Variants in ENPP2 observed in about 807,000 individuals in gnomAD.
The protein encoded by ENPP2 is autotaxin.
In ENPP2, 51 loss-of-function variants were observed where a neutral mutation model predicts 120.2. The ratio of observed to expected loss-of-function variants is 0.42; its 90% CI spans 0.34 to 0.54. The LOEUF is 0.54. Ranked by LOEUF, ENPP2 falls within the 20% of genes least tolerant of loss-of-function variation. The pLI is 0.04. For synonymous variants in ENPP2, 365 were observed against 366.4 expected (o/e 1.00, Z 0.04); for missense variants, 920 against 1,066.5 (o/e 0.86, Z 1.91).
chr8:119,567,365 C>A (rs1814556150), intron 22 of ENPP2, among the ~76,000 whole-genome samples: 1 of 152,118 alleles, frequency 6.6e-6, no homozygotes, highest in Non-Finnish European at 1.5e-5. Flanking sequence ...ATAATTAAGT[C>A]AGAAATCCAT....
chr8:119,623,477 AAGAG>A (rs752875513), intron 3 of ENPP2, among the ~76,000 whole-genome samples: 1 of 152,120 alleles, frequency 6.6e-6, no homozygotes, highest in Non-Finnish European at 1.5e-5. Flanking sequence ...AAGATTAAAA[AAGAG>A]AGAGAGATAT....
At chr8:119,589,798 G>A (rs1478313669) in intron 13 of ENPP2, among the ~76,000 whole-genome samples, 2 of 151,702 alleles carry the variant, frequency 1.3e-5, no homozygotes, top group South Asian at 2.1e-4. Context: ...TTTTCAAAGT[G>A]CGGCATAACC....
chr8:119,649,657 A>G (rs1298053461), intron 1 of ENPP2, among the ~76,000 whole-genome samples: 2 of 152,228 alleles, frequency 1.3e-5, no homozygotes, highest in Admixed American at 6.5e-5. Context: ...AAATCATATA[A>G]CTGATAATGT....
intron 24 of ENPP2, among the ~76,000 whole-genome samples, chr8:119,559,094 C>T (rs549526112): frequency 3.5e-4 from 53 of 152,262 alleles, no homozygotes; most frequent in African/African-American, 1.2e-3. Context: ...TCATGTCCCA[C>T]CCTCCTAACC....
Position 119,635,207 on chromosome 8 carries a change from G to C in ENPP2, c.136+3218C>G, listed in dbSNP as rs115450827. On this transcript the variant is annotated intron_variant, in intron 2 of 24. Transcript: ENST00000075322. ...ATTTCCCTATGATTCTCAAAGAAAA[G>C]CTTTATCCATAAAGTTGTTAGTGAC... is the stretch of plus-strand genomic sequence containing the variant. Among the ~76,000 whole-genome samples, 88 of 152,216 alleles carry C rather than the reference G, an allele frequency of 5.8e-4. 2 individuals are homozygous for C. Among genetic ancestry groups the C allele is most frequent in the African/African-American group, 2.0e-3 (84 of 41,526 alleles).
upstream of ENPP2, among the ~76,000 whole-genome samples, chr8:119,643,315 A>G (rs1389228062): frequency 6.6e-6 from 1 of 152,164 alleles, no homozygotes; most frequent in Non-Finnish European, 1.5e-5. Context: ...TGCTCCCACA[A>G]TCCAGGACTG....
At chr8:119,652,885 C>CG (rs1817664992) in intron 1 of ENPP2, among the ~76,000 whole-genome samples, 1 of 152,156 alleles carries the variant, frequency 6.6e-6, no homozygotes, top group Non-Finnish European at 1.5e-5. Flanking sequence ...GGACAACATT[C>CG]TTGAAGCAGA....
In ENPP2 at chr8:119,558,269, C is replaced by A. The variant is rs533713898; in HGVS notation, c.2422-578G>T. Among the ~76,000 whole-genome samples, 5 of 152,314 alleles carry A rather than the reference C, an allele frequency of 3.3e-5. No homozygotes were observed. The East Asian group carries it at 9.7e-4, about 29-fold the overall frequency. On this transcript the variant is annotated intron_variant, in intron 24 of 24. Transcript: ENST00000075322. ...ACACATCTGGCACTCTAGGGCCCAA[C>A]AGGCCAGAGTTGGAAATGAGGCTGT... is the stretch of plus-strand genomic sequence containing the variant.
intron 13 of ENPP2, among the ~76,000 whole-genome samples, chr8:119,588,283 A>G (rs765693799): frequency 4.6e-5 from 7 of 152,124 alleles, no homozygotes; most frequent in African/African-American, 9.7e-5. Flanking sequence ...TAATCCCAGC[A>G]CTTTGAGAGG....
At chr8:119,664,464 C>T (rs1818013133) in intron 1 of ENPP2, among the ~76,000 whole-genome samples, 4 of 151,858 alleles carry the variant, frequency 2.6e-5, no homozygotes, top group Admixed American at 2.6e-4. Flanking sequence ...ATTTGCAAGC[C>T]GTGAAACTGC....
chr8:119,568,278 T>A (rs774836102), intron 21 of ENPP2, 26 bp from the exon 22 acceptor site: 2 of 1,282,094 alleles, frequency 1.6e-6, no homozygotes, highest in Admixed American at 1.9e-5. Context: ...ACAAATAGTA[T>A]ACGTTGCTTA....
chr8:119,626,128 C>G (rs62528901), intron 3 of ENPP2, among the ~76,000 whole-genome samples: 4,129 of 152,124 alleles, frequency 0.027, 95 homozygotes, highest in Non-Finnish European at 0.037. Flanking sequence ...GAGGCTGAGG[C>G]GGGAAGATGG....
chr8:119,654,002 T>C (rs1817696973), intron 1 of ENPP2, among the ~76,000 whole-genome samples: 1 of 146,876 alleles, frequency 6.8e-6, no homozygotes, highest in South Asian at 2.1e-4. Context: ...AAATATTATA[T>C]ATTAAATATA....
At chr8:119,565,179 A>T (rs1390193574) in intron 22 of ENPP2, among the ~76,000 whole-genome samples, 1 of 151,312 alleles carries the variant, frequency 6.6e-6, no homozygotes, top group Non-Finnish European at 1.5e-5. Context: ...ATGGTAGGGG[A>T]GTTTAACGTA....
intron 4 of ENPP2, among the ~76,000 whole-genome samples, chr8:119,620,336 A>G (rs1368070467): frequency 6.6e-6 from 1 of 152,242 alleles, no homozygotes; most frequent in Non-Finnish European, 1.5e-5. Context: ...GGAAAGGGAA[A>G]TAAATTCTCA....
chr8:119,627,691 G>A lies in ENPP2; in HGVS notation c.137-971C>T, dbSNP rs922266108. Among the ~76,000 whole-genome samples the A allele has an allele frequency of 3.3e-5, 5 of 151,840 alleles. No homozygotes were observed. In the East Asian group the frequency reaches 9.7e-4, roughly 29 times the overall value. On this transcript the variant is annotated intron_variant, in intron 2 of 24. Coordinates refer to ENST00000075322, the MANE Select transcript of ENPP2 (RefSeq NM_001040092.3). Reference sequence around the variant, plus strand: ...AGCCTGGCCAACACAGTAAAACCCAGTCTCTACTAAAAATACAAAAATTAG... The same window carrying A: ...AGCCTGGCCAACACAGTAAAACCCAATCTCTACTAAAAATACAAAAATTAG...
intron 11 of ENPP2, among the ~76,000 whole-genome samples, 167 bp downstream of exon 11, chr8:119,600,511 C>T (rs1563717674): frequency 6.6e-6 from 1 of 152,122 alleles, no homozygotes; most frequent in Non-Finnish European, 1.5e-5. Context: ...AGAAACAGGT[C>T]GTTTTAAGAT....
chr8:119,577,516 G>A (rs1812423486), intron 19 of ENPP2, among the ~76,000 whole-genome samples: 1 of 152,212 alleles, frequency 6.6e-6, no homozygotes, highest in Non-Finnish European at 1.5e-5. Context: ...AAGCCCAAGA[G>A]ACAGCGATAG....
chr8:119,588,745 T>C (rs887521786), intron 13 of ENPP2, among the ~76,000 whole-genome samples: 2 of 152,026 alleles, frequency 1.3e-5, no homozygotes, highest in African/African-American at 4.8e-5. Flanking sequence ...AAGTTCATGG[T>C]CTTTGACAAT....
Sources: gnomAD v4.1 joint callset for allele counts (sites outside exome capture counted in the v4.1 genomes callset) on GRCh38, gnomAD v4.1.1 for gene constraint, MANE v1.5 for transcripts, NCBI Gene and HGNC (gene_info 2026-07-23, HGNC 2026-07-21) for gene names.